Variants in ZNF169 observed in about 807,000 individuals in gnomAD.
ZNF169 encodes zinc finger protein 169.
ZNF169 carries 11 observed loss-of-function variants against 12.0 expected under a neutral mutation model. That is an observed-to-expected ratio of 0.92 (90% CI 0.58 to 1.52). ZNF169 has a LOEUF of 1.52. ZNF169 is among the 40% of genes most tolerant of loss of function. The probability of loss-of-function intolerance (pLI) is 0.00; values close to 1 mark genes in which losing one functional copy is unlikely to be tolerated. For synonymous variants in ZNF169, 302 were observed against 286.5 expected, an observed-to-expected ratio of 1.05 and a Z score of -0.55; for missense variants, 722 against 744.0, an observed-to-expected ratio of 0.97 and a Z score of 0.34.
intron 2 of ZNF169, among the ~76,000 whole-genome samples, chr9:94,289,178 T>G (rs983562574): frequency 6.6e-6 from 1 of 151,424 alleles, no homozygotes; most frequent in Admixed American, 6.6e-5. Flanking sequence ...GCAGGAGGAT[T>G]GCTGGAGCTC....
At chr9:94,264,100 A>G (rs1318959723) in intron 1 of ZNF169, among the ~76,000 whole-genome samples, 2 of 151,988 alleles carry the variant, frequency 1.3e-5, no homozygotes, top group East Asian at 3.9e-4. Flanking sequence ...TATGCTGTCA[A>G]TCACAATGCA....
intron 1 of ZNF169, among the ~76,000 whole-genome samples, chr9:94,273,842 G>A (rs1400327375): frequency 6.6e-6 from 1 of 152,080 alleles, no homozygotes; most frequent in African/African-American, 2.4e-5. Context: ...GCCTCCCAAA[G>A]TGCTGGGATT....
intron 1 of ZNF169, among the ~76,000 whole-genome samples, chr9:94,262,321 G>C (rs1331574466): frequency 2.6e-5 from 4 of 152,148 alleles, no homozygotes; most frequent in African/African-American, 9.7e-5. Flanking sequence ...TAGAAACTCA[G>C]ATGGGAAAAG....
At chr9:94,277,652 CCGGGCA>C (rs1251343157) in intron 1 of ZNF169, among the ~76,000 whole-genome samples, 2 of 152,120 alleles carry the variant, frequency 1.3e-5, no homozygotes, top group Non-Finnish European at 2.9e-5. Context: ...AAAATCAGGG[CCGGGCA>C]CGGTGGCTCA....
intron 2 of ZNF169, among the ~76,000 whole-genome samples, chr9:94,284,833 T>C (rs75030792): frequency 0.2 from 30,342 of 152,082 alleles, 3,182 homozygotes; most frequent in Middle Eastern, 0.29. Flanking sequence ...ATCTATAGAT[T>C]TAGTTCAATC....
At chr9:94,293,229 T>C in intron 4 of ZNF169, 160 bp downstream of exon 4, 2 of 689,816 alleles carry the variant, frequency 2.9e-6, no homozygotes, top group Non-Finnish European at 5.2e-6. Flanking sequence ...CCACACTGTG[T>C]GCCTCCCCCC....
At chr9:94,288,008 G>A (rs1184325952) in intron 2 of ZNF169, 3 of 795,954 alleles carry the variant, frequency 3.8e-6, no homozygotes, top group Non-Finnish European at 6.8e-6. Context: ...TCACTTTAGT[G>A]TGAAACTGGA....
At chr9:94,293,138 G>T (rs1451823670) in intron 4 of ZNF169, 69 bp downstream of exon 4, 1 of 1,398,752 alleles carries the variant, frequency 7.1e-7, no homozygotes, top group South Asian at 1.2e-5. Context: ...GGAAGGAGGG[G>T]CTATCTTTGA....
chr9:94,268,377 A>G (rs1216667385), intron 1 of ZNF169, among the ~76,000 whole-genome samples: 1 of 152,236 alleles, frequency 6.6e-6, no homozygotes, highest in Non-Finnish European at 1.5e-5. Flanking sequence ...TGGAACACAT[A>G]CCAACAATGT....
chr9:94,285,542 A>G (rs1830706892), intron 2 of ZNF169, among the ~76,000 whole-genome samples: 1 of 152,218 alleles, frequency 6.6e-6, no homozygotes, highest in Admixed American at 6.5e-5. Flanking sequence ...TACAGATTTT[A>G]AAAGCTCACT....
chr9:94,273,867 C>T (rs1237623155), intron 1 of ZNF169, among the ~76,000 whole-genome samples: 2 of 152,218 alleles, frequency 1.3e-5, no homozygotes, highest in African/African-American at 4.8e-5. Flanking sequence ...GCGTGAGCCA[C>T]TGCGCCCGGC....
intron 2 of ZNF169, among the ~76,000 whole-genome samples, chr9:94,279,595 G>A (rs1287349072): frequency 7.1e-6 from 1 of 140,586 alleles, no homozygotes; most frequent in Non-Finnish European, 1.5e-5. Context: ...AGCCGAGATT[G>A]CGCCATTGCA....
rs1432201249 is a variant in ZNF169 at position 94,270,787 on chromosome 9, A to ATT, written c.-55-7970_-55-7969insTT. On this transcript the variant is annotated intron_variant, in intron 1 of 4. Coordinates refer to ENST00000395395, the MANE Select transcript of ZNF169 (RefSeq NM_194320.4). ...TATATATGTTATATATTATATAAATATATATAAATAATATATATATTATAT... is the reference window on the plus strand; with the variant it reads ...TATATATGTTATATATTATATAAATATTTATATAAATAATATATATATTATAT... Among the ~76,000 whole-genome samples the ATT allele has an allele frequency of 1.4e-4, 11 of 76,136 alleles. 1 individual carries two copies. The East Asian group carries it at 1.6e-3, about 11-fold the overall frequency. 49.9% of individuals were successfully genotyped at this position (76,136 alleles called of 152,430 possible). A position where few individuals can be genotyped will look rare whatever the true frequency, so the allele number is the denominator to read the frequency against.
chr9:94,292,666 GGTGTGTCTGA>G, intron 3 of ZNF169, 199 bp downstream of exon 3: 1 of 725,014 alleles, frequency 1.4e-6, no homozygotes, highest in South Asian at 1.9e-5. Flanking sequence ...GTGAGCGTGT[GGTGTGTCTGA>G]CACTGCATTT....
intron 2 of ZNF169, among the ~76,000 whole-genome samples, chr9:94,289,625 A>T (rs1241128876): frequency 6.6e-6 from 1 of 152,142 alleles, no homozygotes; most frequent in African/African-American, 2.4e-5. Context: ...CCCCGTCTCT[A>T]CTAAAAATAC....
chr9:94,278,550 A>G (rs548984066), intron 1 of ZNF169, among the ~76,000 whole-genome samples: 1 of 152,292 alleles, frequency 6.6e-6, no homozygotes, highest in African/African-American at 2.4e-5. Flanking sequence ...TCATTCCCTA[A>G]CTAGAGTTTG....
At chr9:94,296,973 G>T in intron 4 of ZNF169, 2 of 343,166 alleles carry the variant, frequency 5.8e-6, no homozygotes, top group Non-Finnish European at 1.1e-5. Flanking sequence ...CGTGAACTCG[G>T]GAGGCGGAGG....
chr9:94,259,986 G>C (rs528544139), intron 1 of ZNF169, among the ~76,000 whole-genome samples: 1 of 150,506 alleles, frequency 6.6e-6, no homozygotes, highest in African/African-American at 2.4e-5. Flanking sequence ...TGCAATCTCC[G>C]CGCCCCACCC....
At position 94,301,698 on chromosome 9, in the gene ZNF169, G is replaced by A. The variant is rs148114147; in HGVS notation, c.*328G>A. On this transcript the variant is annotated 3_prime_UTR_variant, in exon 5 of 5. Transcript: ENST00000395395. ...GGCTGCTTTCTGGCCACGTCCTCAC[G>A]TGGGCTTTTTTCTGTGTGTATGCTT... 1.7e-3 allele frequency among the ~76,000 whole-genome samples: 255 copies of A among 152,252 alleles called. 1 individual carries two copies. Among genetic ancestry groups the A allele is most frequent in the South Asian group, 0.013 (61 of 4,818 alleles).
Sources: allele counts gnomAD v4.1 joint callset (sites outside exome capture counted in the v4.1 genomes callset), GRCh38; gene constraint gnomAD v4.1.1; transcripts MANE v1.5; gene names NCBI Gene and HGNC (gene_info 2026-07-23, HGNC 2026-07-21).